Variants in TTC17 observed in about 807,000 individuals in gnomAD.
The protein encoded by TTC17 is tetratricopeptide repeat protein 17.
In TTC17, 58 loss-of-function variants were observed where a neutral mutation model predicts 143.8. That is an observed-to-expected ratio of 0.40 (90% CI 0.33 to 0.50). The LOEUF is 0.50. TTC17 is among the 20% of genes least tolerant of loss of function. The probability of loss-of-function intolerance (pLI) is 0.49; values close to 1 mark genes in which losing one functional copy is unlikely to be tolerated. For missense variants in TTC17, 1,273 were observed against 1,392.5 expected (o/e 0.91, Z 1.37); for synonymous variants, 501 against 497.8 (o/e 1.01, Z -0.09).
intron 16 of TTC17, among the ~76,000 whole-genome samples, chr11:43,431,277 G>C (rs1016101824): frequency 6.6e-6 from 1 of 152,140 alleles, no homozygotes; most frequent in South Asian, 2.1e-4. Flanking sequence ...TAATCCTTTG[G>C]TTATATACCC....
intron 2 of TTC17, among the ~76,000 whole-genome samples, chr11:43,384,074 G>A (rs527670326): frequency 6.6e-6 from 1 of 151,690 alleles, no homozygotes; most frequent in South Asian, 2.1e-4. Context: ...GAGCCCAGAT[G>A]TTTGAGGTTA....
rs117444664 is a variant in TTC17 at position 43,472,391 on chromosome 11, G to A, written c.3031-17848G>A. 1.8e-3 allele frequency among the ~76,000 whole-genome samples: 273 copies of A among 152,210 alleles called. 1 individual carries two copies. The highest frequency in any genetic ancestry group is 0.017 in the East Asian group (87 of 5,182). On this transcript the variant is annotated intron_variant, in intron 21 of 23. Transcript: ENST00000039989. ...GCAAATACAAGTAAAAAGGAAGTTG[G>A]TGTAGTTATACTAATATCAGATAAT...
In TTC17 at chr11:43,486,386, T is replaced by C. The variant is rs765722792; in HGVS notation, c.3031-3853T>C. On this transcript the variant is annotated intron_variant, in intron 21 of 23. Transcript: ENST00000039989. The stretch of plus-strand genomic sequence containing the variant: ...TATCAGATTGAAAAAAAATAGTAGA[T>C]GTAAAACTGGATGCTATCCATGGTT... 1.3e-4 allele frequency: 57 copies of C among 450,718 alleles called. 1 individual carries two copies. The highest frequency in any genetic ancestry group is 8.9e-4 in the South Asian group (57 of 63,798). 27.9% of individuals were successfully genotyped at this position (450,718 alleles called of 1,614,324 possible).
chr11:43,437,870 A>G (rs7131270), intron 16 of TTC17, among the ~76,000 whole-genome samples: 85,986 of 152,092 alleles, frequency 0.57, 25,189 homozygotes, highest in African/African-American at 0.69. Flanking sequence ...CAGAGTTCCC[A>G]GTTTTCTCTT....
At chr11:43,470,953 A>G (rs1948080596) in intron 21 of TTC17, among the ~76,000 whole-genome samples, 1 of 152,190 alleles carries the variant, frequency 6.6e-6, no homozygotes, top group South Asian at 2.1e-4. Flanking sequence ...TCAGCCTTTA[A>G]AATACTAGTC....
At chr11:43,377,844 A>G (rs943652827) in intron 1 of TTC17, among the ~76,000 whole-genome samples, 10 of 152,088 alleles carry the variant, frequency 6.6e-5, no homozygotes, top group African/African-American at 2.2e-4. Context: ...CTTTCTTGCA[A>G]TTCTTCAAAT....
At chr11:43,421,009 T>C (rs1047374230) in intron 16 of TTC17, among the ~76,000 whole-genome samples, 2 of 152,190 alleles carry the variant, frequency 1.3e-5, no homozygotes, top group East Asian at 1.9e-4. Context: ...TGAACACTTA[T>C]CTACTATATG....
intron 16 of TTC17, among the ~76,000 whole-genome samples, chr11:43,433,889 C>T (rs1947217698): frequency 6.6e-6 from 1 of 152,056 alleles, no homozygotes; most frequent in East Asian, 1.9e-4. Flanking sequence ...TTTTAATAGT[C>T]GTGCTTATTT....
intron 16 of TTC17, among the ~76,000 whole-genome samples, chr11:43,443,089 A>C (rs570642734): frequency 3.9e-5 from 6 of 152,334 alleles, no homozygotes; most frequent in Non-Finnish European, 5.9e-5. Flanking sequence ...AGAATCTCTG[A>C]CTGCCTGCTC....
At chr11:43,396,289 C>G (rs1372330373) in intron 5 of TTC17, 2 of 151,478 alleles carry the variant, frequency 1.3e-5, no homozygotes, top group African/African-American at 4.9e-5. Flanking sequence ...TGTGCCTTCA[C>G]TCAGATATTA....
At chr11:43,440,079 C>T (rs1419298690) in intron 16 of TTC17, among the ~76,000 whole-genome samples, 2 of 152,214 alleles carry the variant, frequency 1.3e-5, no homozygotes, top group Admixed American at 1.3e-4. Context: ...CCTCTTGCTT[C>T]AAGCATAATT....
intron 1 of TTC17, among the ~76,000 whole-genome samples, chr11:43,374,998 A>T (rs1356642899): frequency 6.6e-6 from 1 of 152,258 alleles, no homozygotes; most frequent in Non-Finnish European, 1.5e-5. Context: ...GAAATAACAC[A>T]TCAATACTTT....
At chr11:43,449,332 G>T (rs1472302334) in intron 19 of TTC17, 3 of 152,206 alleles carry the variant, frequency 2.0e-5, no homozygotes, top group Non-Finnish European at 4.4e-5. Context: ...CTCACTGTGG[G>T]TTCTCAGCTG....
intron 1 of TTC17, among the ~76,000 whole-genome samples, chr11:43,366,179 A>C (rs943216416): frequency 6.6e-6 from 1 of 151,832 alleles, no homozygotes; most frequent in African/African-American, 2.4e-5. Context: ...CATCACCAAG[A>C]TCTTTGTTTT....
chr11:43,389,923 A>G lies in TTC17; in HGVS notation c.419+102A>G. On this transcript the variant is annotated intron_variant, in intron 3 of 23. Coordinates refer to ENST00000039989, the MANE Select transcript of TTC17 (RefSeq NM_018259.6). ...TGTAATAAGGGTAAGCTTCAATCACAGATGAGTTTTCGAATTTGAAAATTC... is the reference window on the plus strand; with the variant it reads ...TGTAATAAGGGTAAGCTTCAATCACGGATGAGTTTTCGAATTTGAAAATTC... 6 of 1,096,448 alleles carry G rather than the reference A, an allele frequency of 5.5e-6. No homozygotes were observed. In the South Asian group the frequency reaches 6.9e-5, roughly 13 times the overall value. 67.9% of individuals were successfully genotyped at this position (1,096,448 alleles called of 1,614,324 possible). A position where few individuals can be genotyped will look rare whatever the true frequency, so the allele number is the denominator to read the frequency against.
intron 16 of TTC17, among the ~76,000 whole-genome samples, chr11:43,417,711 C>G (rs1465870446): frequency 6.6e-6 from 1 of 152,188 alleles, no homozygotes; most frequent in Non-Finnish European, 1.5e-5. Flanking sequence ...TAGCGGGCAC[C>G]TGTAATCCCA....
Position 43,398,081 on chromosome 11 carries a change from A to AT in TTC17, c.1026_1027insT (p.Lys343Ter). The stretch of plus-strand genomic sequence containing the variant: ...GGAAGCATGCTGTCCTATGTCAGCA[A>AT]AAACTGGAGCAGAAATTGGAGGCTC... On this transcript the variant is annotated frameshift_variant, in exon 8 of 24. Coordinates refer to ENST00000039989, the MANE Select transcript of TTC17 (RefSeq NM_018259.6). LOFTEE classifies it high-confidence loss of function. The AT allele has an allele frequency of 6.2e-7, 1 of 1,614,124 alleles. No individual in the cohort carries two copies. The highest frequency in any genetic ancestry group is 8.5e-7 in the Non-Finnish European group (1 of 1,180,008).
Position 43,397,977 on chromosome 11 carries a change from C to G in TTC17, c.922C>G (p.Leu308Val). ...ATGTTTGTTTTTGTCTCTTCAGATG[C>G]TTGGGGAATATAACCACTCAGTGCT... ...YYTLGNIYAM[L>V]GEYNHSVLCY... is the part of the protein sequence containing the mutation. The change falls in exon 8 of 24, where the codon CTT becomes GTT. Residue 308 changes from leucine to valine, a missense_variant. This residue lies in a region of TTC17 where 325 missense variants were observed against 444.2 expected (regional missense o/e 0.73). Coordinates refer to ENST00000039989, the MANE Select transcript of TTC17 (RefSeq NM_018259.6). The G allele has an allele frequency of 1.3e-6, 2 of 1,567,250 alleles. No individual in the cohort carries two copies. The highest frequency in any genetic ancestry group is 1.7e-6 in the Non-Finnish European group (2 of 1,153,602).
At chr11:43,490,494 A>G in intron 22 of TTC17, 136 bp downstream of exon 22, 1 of 1,326,314 alleles carries the variant, frequency 7.5e-7, no homozygotes, top group Non-Finnish European at 9.9e-7. Flanking sequence ...GGGGCAGGAG[A>G]CCTTCTGACT....
Sources: allele counts gnomAD v4.1 joint callset (sites outside exome capture counted in the v4.1 genomes callset), GRCh38; gene constraint gnomAD v4.1.1; regional missense constraint gnomAD v4.1.1; transcripts MANE v1.5; gene names NCBI Gene and HGNC (gene_info 2026-07-23, HGNC 2026-07-21).